The following GALNT18 variants were observed in gnomAD, a reference collection of about 807,000 sequenced individuals.
The protein encoded by GALNT18 is GalNAc-transferase 18.
In GALNT18, 44 loss-of-function variants were observed where a neutral mutation model predicts 69.5. That is an observed-to-expected ratio of 0.63 (90% CI 0.50 to 0.81). The LOEUF is 0.81. Ranked by LOEUF, GALNT18 falls within the 40% of genes least tolerant of loss-of-function variation. The pLI is 0.00. For missense variants in GALNT18, 715 were observed against 810.0 expected (o/e 0.88, Z 1.42); for synonymous variants, 364 against 318.2 (o/e 1.14, Z -1.53).
At chr11:11,455,648 G>A (rs750877714) in intron 1 of GALNT18, among the ~76,000 whole-genome samples, 1 of 151,820 alleles carries the variant, frequency 6.6e-6, no homozygotes, top group African/African-American at 2.4e-5. Flanking sequence ...GCAGGCTGGG[G>A]GTAGCCCATG....
intron 1 of GALNT18, among the ~76,000 whole-genome samples, chr11:11,594,453 A>T (rs10831648): frequency 0.41 from 61,810 of 151,978 alleles, 14,545 homozygotes; most frequent in East Asian, 0.72. Context: ...CCCTGTACCC[A>T]CTAGCAGTCA....
chr11:11,434,743 A>G (rs1855359610), intron 2 of GALNT18, among the ~76,000 whole-genome samples: 1 of 152,158 alleles, frequency 6.6e-6, no homozygotes, highest in African/African-American at 2.4e-5. Flanking sequence ...GGGAATAGGG[A>G]GGTGAGGGGA....
intron 1 of GALNT18, among the ~76,000 whole-genome samples, chr11:11,569,473 C>G (rs1858732261): frequency 1.7e-5 from 1 of 57,370 alleles, no homozygotes; most frequent in South Asian, 6.5e-4. Flanking sequence ...TTTATCACAT[C>G]CTCTGGGAAT....
chr11:11,500,338 C>T lies in GALNT18; in HGVS notation c.236-51402G>A, dbSNP rs1276109993. Among the ~76,000 whole-genome samples the T allele has an allele frequency of 3.3e-5, 5 of 152,198 alleles. No individual in the cohort carries two copies. Among genetic ancestry groups the T allele is most frequent in the Non-Finnish European group, 4.4e-5 (3 of 68,026 alleles). The stretch of plus-strand genomic sequence containing the variant: ...GTTTCAAATCCCAATTTCTTCACTT[C>T]TTTCTTGAGTGGCTTTAGGTACATG... On this transcript the variant is annotated intron_variant, in intron 1 of 10. Coordinates refer to ENST00000227756, the MANE Select transcript of GALNT18 (RefSeq NM_198516.3). The surrounding 1 kb of genome is among the most constrained non-coding windows in gnomAD (Gnocchi z 5.0).
At chr11:11,407,781 G>C (rs888701074) in intron 3 of GALNT18, among the ~76,000 whole-genome samples, 5 of 152,198 alleles carry the variant, frequency 3.3e-5, no homozygotes, top group African/African-American at 1.2e-4. Flanking sequence ...AAAGCTAAAG[G>C]AAAAGGGACC....
chr11:11,385,580 C>T (rs1854037284), intron 3 of GALNT18, among the ~76,000 whole-genome samples: 1 of 152,042 alleles, frequency 6.6e-6, no homozygotes, highest in African/African-American at 2.4e-5. Context: ...CAGGTGTGAG[C>T]CACCATGCCC....
intron 10 of GALNT18, among the ~76,000 whole-genome samples, chr11:11,292,064 G>A (rs927964320): frequency 6.6e-6 from 1 of 152,092 alleles, no homozygotes; most frequent in African/African-American, 2.4e-5. Context: ...AGCTTGCCGG[G>A]AGGCTGGAGT....
chr11:11,513,087 C>A (rs1857196569), intron 1 of GALNT18, among the ~76,000 whole-genome samples: 5 of 152,154 alleles, frequency 3.3e-5, no homozygotes, highest in Admixed American at 2.6e-4. Flanking sequence ...AGAAATACAT[C>A]TAGGGGAGAA....
Position 11,601,413 on chromosome 11 carries a change from C to T in GALNT18, c.235+19946G>A, listed in dbSNP as rs753684343. ...TGCACAGTGTCCTGATTCTCCCTATCGAACCCCCTAGGATGACAGTGATTT... is the reference window on the plus strand; with the variant it reads ...TGCACAGTGTCCTGATTCTCCCTATTGAACCCCCTAGGATGACAGTGATTT... On this transcript the variant is annotated intron_variant, in intron 1 of 10. Coordinates refer to ENST00000227756, the MANE Select transcript of GALNT18 (RefSeq NM_198516.3). The surrounding 1 kb of genome is among the most constrained non-coding windows in gnomAD (Gnocchi z 4.0). Among the ~76,000 whole-genome samples, 2 of 152,144 alleles carry T rather than the reference C, an allele frequency of 1.3e-5. No homozygotes were observed. Among genetic ancestry groups the T allele is most frequent in the African/African-American group, 2.4e-5 (1 of 41,432 alleles).
chr11:11,277,131 C>T (rs750574623), intron 10 of GALNT18, among the ~76,000 whole-genome samples: 8 of 152,130 alleles, frequency 5.3e-5, no homozygotes, highest in East Asian at 1.9e-4. Flanking sequence ...GCTGTGAATC[C>T]GTCTGGTCCT....
chr11:11,420,757 T>G (rs1034737962), intron 3 of GALNT18, among the ~76,000 whole-genome samples: 4 of 152,158 alleles, frequency 2.6e-5, no homozygotes. Flanking sequence ...CTAAGTAATG[T>G]TCCCTGGCCC....
chr11:11,560,364 G>T (rs1244673730), intron 1 of GALNT18, among the ~76,000 whole-genome samples: 2 of 133,856 alleles, frequency 1.5e-5, no homozygotes, highest in Non-Finnish European at 3.3e-5. Context: ...AAACAGAGTA[G>T]TTGTGACAAA....
At position 11,402,218 on chromosome 11, in the gene GALNT18, C is replaced by A. The variant is rs1355298722; in HGVS notation, c.596-22954G>T. ...TTTTCTGTCACCTTGGGAACGCTAC[C>A]CTTCAGAGTGTTTATAGAACAGAGA... On this transcript the variant is annotated intron_variant, in intron 3 of 10. Transcript: ENST00000227756. The surrounding 1 kb of genome is among the most constrained non-coding windows in gnomAD (Gnocchi z 4.0). Among the ~76,000 whole-genome samples, 3 of 152,194 alleles carry A rather than the reference C, an allele frequency of 2.0e-5. No individual in the cohort carries two copies. The highest frequency in any genetic ancestry group is 2.9e-5 in the Non-Finnish European group (2 of 68,028).
chr11:11,444,184 G>A lies in GALNT18; in HGVS notation c.428+4560C>T, dbSNP rs1055541270. 1.3e-5 allele frequency among the ~76,000 whole-genome samples: 2 copies of A among 151,676 alleles called. No individual in the cohort carries two copies. The highest frequency in any genetic ancestry group is 3.9e-4 in the East Asian group (2 of 5,148). On this transcript the variant is annotated intron_variant, in intron 2 of 10. Coordinates refer to ENST00000227756, the MANE Select transcript of GALNT18 (RefSeq NM_198516.3). This position sits in a 1 kb window ranked among gnomAD's most constrained non-coding sequence, Gnocchi z 4.4. ...GGCCCCGCCTCCCTGCCACAGAGAG[G>A]TGCCTTGCAGATGCCACCCTCCAGG...
chr11:11,507,646 T>C (rs1317410695), intron 1 of GALNT18, among the ~76,000 whole-genome samples: 1 of 152,176 alleles, frequency 6.6e-6, no homozygotes, highest in Non-Finnish European at 1.5e-5. Context: ...TCTATAGGAG[T>C]ATCCTGCTCC....
intron 9 of GALNT18, among the ~76,000 whole-genome samples, chr11:11,306,688 A>G (rs1849583732): frequency 6.6e-6 from 1 of 152,260 alleles, no homozygotes; most frequent in African/African-American, 2.4e-5. Flanking sequence ...TTTTTGAATG[A>G]GTGAACAAAT....
intron 1 of GALNT18, among the ~76,000 whole-genome samples, chr11:11,579,352 C>A (rs544381169): frequency 1.3e-5 from 2 of 152,190 alleles, no homozygotes; most frequent in African/African-American, 4.8e-5. Context: ...GCAGGCTACT[C>A]GGCTGGGCTA....
intron 1 of GALNT18, among the ~76,000 whole-genome samples, chr11:11,471,770 G>A (rs1330860241): frequency 6.6e-6 from 1 of 152,222 alleles, no homozygotes; most frequent in Non-Finnish European, 1.5e-5. Context: ...TAGAAATTCT[G>A]TAGTACTTTT....
At position 11,402,359 on chromosome 11, in the gene GALNT18, C is replaced by T. The variant is rs1345287428; in HGVS notation, c.596-23095G>A. ...TAACTGTTGTCATTGTGGGCGTAGA[C>T]ATGTTTTAATCCATGATGACAGCTT... On this transcript the variant is annotated intron_variant, in intron 3 of 10. Transcript: ENST00000227756. This position sits in a 1 kb window ranked among gnomAD's most constrained non-coding sequence, Gnocchi z 4.0. Among the ~76,000 whole-genome samples the T allele has an allele frequency of 1.3e-5, 2 of 152,246 alleles. No individual in the cohort carries two copies. The highest frequency in any genetic ancestry group is 2.9e-5 in the Non-Finnish European group (2 of 68,054).
Sources: allele counts gnomAD v4.1 joint callset (sites outside exome capture counted in the v4.1 genomes callset), GRCh38; gene constraint gnomAD v4.1.1; non-coding constraint Gnocchi (gnomAD v3.1); transcripts MANE v1.5; gene names NCBI Gene and HGNC (gene_info 2026-07-23, HGNC 2026-07-21).